The following KDM4C variants were observed in gnomAD, a reference collection of about 807,000 sequenced individuals.
KDM4C encodes the protein lysine-specific demethylase 4C.
KDM4C carries 81 observed loss-of-function variants against 129.3 expected under a neutral mutation model. The observed-to-expected ratio is 0.63, with a 90% CI of 0.52 to 0.75. The LOEUF (loss-of-function observed/expected upper bound fraction) is 0.75, where lower values mean the gene tolerates loss of function less well. Ranked by LOEUF, KDM4C falls within the 30% of genes least tolerant of loss-of-function variation. The probability of loss-of-function intolerance (pLI) is 0.00; values close to 1 mark genes in which losing one functional copy is unlikely to be tolerated. For missense variants in KDM4C, 1,457 were observed against 1,304.0 expected (o/e 1.12, Z -1.81); for synonymous variants, 573 against 456.1 (o/e 1.26, Z -3.26).
intron 6 of KDM4C, among the ~76,000 whole-genome samples, chr9:6,882,740 CA>C (rs1280626656): frequency 1.3e-5 from 2 of 151,474 alleles, no homozygotes; most frequent in African/African-American, 2.4e-5. Context: ...ACATTGCTAC[CA>C]AGGGTTAGTT....
At chr9:6,774,872 G>T (rs1371097478) in intron 1 of KDM4C, among the ~76,000 whole-genome samples, 2 of 151,942 alleles carry the variant, frequency 1.3e-5, no homozygotes, top group Non-Finnish European at 2.9e-5. Context: ...CCTGATTTTT[G>T]TGTTCCATAT....
At chr9:6,773,992 A>G (rs1822463715) in intron 1 of KDM4C, among the ~76,000 whole-genome samples, 2 of 151,984 alleles carry the variant, frequency 1.3e-5, no homozygotes, top group African/African-American at 4.8e-5. Flanking sequence ...AGTTCAAGCA[A>G]TTCTCCTTTC....
At chr9:7,066,886 AC>A (rs1249477526) in intron 17 of KDM4C, among the ~76,000 whole-genome samples, 2 of 152,234 alleles carry the variant, frequency 1.3e-5, no homozygotes, top group African/African-American at 2.4e-5. Flanking sequence ...TCCTCTTCTT[AC>A]GTTTCTCAAA....
At chr9:6,722,066 G>A (rs1379008864) in intron 1 of KDM4C, among the ~76,000 whole-genome samples, 1 of 152,308 alleles carries the variant, frequency 6.6e-6, no homozygotes, top group East Asian at 1.9e-4. Flanking sequence ...ATTTGTTTTT[G>A]TAGTTGTAGA....
chr9:6,969,671 G>A (rs1473945868), intron 8 of KDM4C, among the ~76,000 whole-genome samples: 2 of 152,098 alleles, frequency 1.3e-5, no homozygotes, highest in African/African-American at 2.4e-5. Flanking sequence ...AAATTGTTAC[G>A]CTCTGGTTTC....
At chr9:6,776,064 C>A (rs746433302) in intron 1 of KDM4C, among the ~76,000 whole-genome samples, 7 of 152,168 alleles carry the variant, frequency 4.6e-5, no homozygotes, top group Non-Finnish European at 7.3e-5. Flanking sequence ...CCGTATATCC[C>A]ATAGAAGGAT....
intron 8 of KDM4C, among the ~76,000 whole-genome samples, chr9:6,931,510 T>A (rs554493732): frequency 1.5e-4 from 23 of 152,056 alleles, no homozygotes; most frequent in Admixed American, 1.2e-3. Flanking sequence ...ATATATATTT[T>A]TTTTTCATAA....
intron 9 of KDM4C, 59 bp downstream of exon 9, chr9:6,981,177 G>A (rs1816710997): frequency 4.3e-6 from 6 of 1,389,654 alleles, no homozygotes; most frequent in African/African-American, 2.9e-5. Flanking sequence ...AGTTAAAATG[G>A]GTCATTGGAT....
chr9:7,013,717 G>A, intron 13 of KDM4C, 71 bp from the exon 14 acceptor site: 5 of 1,423,560 alleles, frequency 3.5e-6, no homozygotes, highest in Non-Finnish European at 4.9e-6. Context: ...AGGAGTTAGT[G>A]GATTTGAGTG....
At chr9:6,874,858 G>A (rs1250007086) in intron 5 of KDM4C, among the ~76,000 whole-genome samples, 1 of 151,848 alleles carries the variant, frequency 6.6e-6, no homozygotes, top group African/African-American at 2.4e-5. Flanking sequence ...GGGAGGCAGA[G>A]GTGGGAGGAT....
chr9:7,152,994 C>T (rs1842854581), intron 19 of KDM4C, among the ~76,000 whole-genome samples: 1 of 152,138 alleles, frequency 6.6e-6, no homozygotes, highest in African/African-American at 2.4e-5. Context: ...ACAGTGATCA[C>T]TTGTGATAGA....
intron 12 of KDM4C, among the ~76,000 whole-genome samples, chr9:7,005,458 C>T (rs1219042058): frequency 6.8e-6 from 1 of 146,124 alleles, no homozygotes; most frequent in Non-Finnish European, 1.5e-5. Flanking sequence ...AAAAAGACCA[C>T]ATGAGTAAAG....
chr9:7,086,728 C>G (rs191104129), intron 17 of KDM4C, among the ~76,000 whole-genome samples: 2 of 152,166 alleles, frequency 1.3e-5, no homozygotes, highest in African/African-American at 4.8e-5. Flanking sequence ...ATCATCTGGC[C>G]GGGGTCTTCC....
At chr9:6,916,219 G>C (rs1429784431) in intron 8 of KDM4C, among the ~76,000 whole-genome samples, 1 of 126,940 alleles carries the variant, frequency 7.9e-6, no homozygotes. Flanking sequence ...GAAGTGTCTT[G>C]AAAGTTTTAC....
At chr9:6,938,999 G>A (rs1185745870) in intron 8 of KDM4C, among the ~76,000 whole-genome samples, 1 of 151,900 alleles carries the variant, frequency 6.6e-6, no homozygotes, top group East Asian at 2.0e-4. Context: ...GTTCAGTGAT[G>A]TTAAAGATTG....
chr9:6,747,539 C>CAA (rs35996555), intron 1 of KDM4C, among the ~76,000 whole-genome samples: 20,336 of 97,742 alleles, frequency 0.21, 2,307 homozygotes, highest in East Asian at 0.29. Flanking sequence ...CAGGGCGATT[C>CAA]AAAAAAAAAA....
chr9:6,755,184 A>T (rs1302224422), upstream of KDM4C, among the ~76,000 whole-genome samples: 1 of 152,210 alleles, frequency 6.6e-6, no homozygotes, highest in African/African-American at 2.4e-5. Flanking sequence ...ATCCTGGCTA[A>T]CACGGTGAAA....
intron 15 of KDM4C, among the ~76,000 whole-genome samples, chr9:7,036,626 G>A (rs895436831): frequency 1.4e-4 from 22 of 152,170 alleles, no homozygotes; most frequent in African/African-American, 5.3e-4. Flanking sequence ...TACTTGGTTA[G>A]TGTTGTAAAT....
chr9:6,832,832 A>T (rs1170211454), intron 4 of KDM4C, among the ~76,000 whole-genome samples: 3 of 147,740 alleles, frequency 2.0e-5, no homozygotes, highest in African/African-American at 7.6e-5. Flanking sequence ...AGTTCAAGGG[A>T]TTCTCCTGCC....
Sources: allele counts gnomAD v4.1 joint callset (sites outside exome capture counted in the v4.1 genomes callset), GRCh38; gene constraint gnomAD v4.1.1; transcripts MANE v1.5; gene names NCBI Gene and HGNC (gene_info 2026-07-23, HGNC 2026-07-21).